Variants in ZNF418 observed in about 807,000 individuals in gnomAD.
ZNF418 encodes the protein zinc finger protein 418.
In ZNF418, 32 loss-of-function variants were observed where a neutral mutation model predicts 32.0. The observed-to-expected ratio is 1.00, with a 90% CI of 0.75 to 1.34. ZNF418 has a LOEUF of 1.34. Ranked by LOEUF, ZNF418 falls within the 40% of genes most tolerant of loss-of-function variation. The pLI is 0.00. For synonymous variants in ZNF418, 276 were observed against 270.7 expected, an observed-to-expected ratio of 1.02 and a Z score of -0.19; for missense variants, 804 against 812.5, an observed-to-expected ratio of 0.99 and a Z score of 0.13.
Position 57,927,984 on chromosome 19 carries a change from ACT to A in ZNF418, c.195_196del (p.Arg65SerfsTer20). The A allele has an allele frequency of 6.2e-7, 1 of 1,601,126 alleles. No homozygotes were observed. The highest frequency in any genetic ancestry group is 8.5e-7 in the Non-Finnish European group (1 of 1,171,974). On this transcript the variant is annotated frameshift_variant, in exon 4 of 6. Coordinates refer to ENST00000396147, the MANE Select transcript of ZNF418 (RefSeq NM_133460.3). LOFTEE classifies it high-confidence loss of function. Reference sequence around the variant, plus strand: ...TGCCCCAGGAGTGCTGACCTGAGACACTCTTTGTATAGAAATGCTCTTCTTAG... The same window carrying A: ...TGCCCCAGGAGTGCTGACCTGAGACACTTTGTATAGAAATGCTCTTCTTAG...
chr19:57,932,182 C>A lies in ZNF418; in HGVS notation c.7-1628G>T, dbSNP rs985076366. The stretch of plus-strand genomic sequence containing the variant: ...ATTCTGAGTAGAAATGGAATTGAAA[C>A]CCAGTACAAAGTATAATAACCAGAA... On this transcript the variant is annotated intron_variant, in intron 2 of 5. Transcript: ENST00000396147. Among the ~76,000 whole-genome samples, 8 of 152,292 alleles carry A rather than the reference C, an allele frequency of 5.3e-5. No homozygotes were observed. The South Asian group carries it at 1.2e-3, about 24-fold the overall frequency.
chr19:57,928,435 G>A (rs1199051030), intron 3 of ZNF418, among the ~76,000 whole-genome samples: 1 of 152,092 alleles, frequency 6.6e-6, no homozygotes, highest in African/African-American at 2.4e-5. Context: ...AATACGCCCA[G>A]CTACTTTTTG....
At chr19:57,929,291 T>C (rs192831872) in intron 3 of ZNF418, among the ~76,000 whole-genome samples, 4 of 152,008 alleles carry the variant, frequency 2.6e-5, no homozygotes, top group African/African-American at 9.7e-5. Flanking sequence ...TTGAAGAAAA[T>C]CTCGAACTCA....
In ZNF418 at chr19:57,927,174, T is replaced by A. The variant is rs778642577; in HGVS notation, c.1007A>T (p.His336Leu). The A allele has an allele frequency of 1.3e-5, 21 of 1,614,074 alleles. No individual in the cohort carries two copies. Among genetic ancestry groups the A allele is most frequent in the Non-Finnish European group, 9.3e-6 (11 of 1,180,044 alleles). The change falls in exon 4 of 6, where the codon CAC (histidine) becomes CTC (leucine). Residue 336 changes from histidine to leucine, a missense_variant. His to Leu is a moderately conservative substitution (Grantham distance 99). This residue lies in a region of ZNF418 where 475 missense variants were observed against 458.6 expected (regional missense o/e 1.04). Coordinates refer to ENST00000396147, the MANE Select transcript of ZNF418 (RefSeq NM_133460.3). ...ACACTCATAAGGTCTTTCTCCAGTG[T>A]GAACTCGTTGATGTTTAATGAGAGT... ...NGTLIKHQRV[H>L]TGERPYECEE...
intron 4 of ZNF418, among the ~76,000 whole-genome samples, chr19:57,925,334 A>T (rs975246306): frequency 6.6e-6 from 1 of 151,872 alleles, no homozygotes; most frequent in African/African-American, 2.4e-5. Flanking sequence ...GGTGGTGGGC[A>T]CCTGTAGTCC....
At position 57,928,152 on chromosome 19, in the gene ZNF418, T is replaced by C. The variant is rs1297069322; in HGVS notation, c.134-105A>G. The stretch of plus-strand genomic sequence containing the variant: ...CCAAGGAATTACTCCATGGAAATAT[T>C]TGCAGGAACAGAAAGTTGGCTTCAC... On this transcript the variant is annotated intron_variant, in intron 3 of 5. Transcript: ENST00000396147. 1.2e-5 allele frequency: 12 copies of C among 998,570 alleles called. No individual in the cohort carries two copies. The Admixed American group carries it at 1.4e-4, about 12-fold the overall frequency. 61.9% of individuals were successfully genotyped at this position (998,570 alleles called of 1,614,324 possible).
chr19:57,935,183 G>A lies in ZNF418; in HGVS notation c.-103C>T. 1.5e-6 allele frequency: 2 copies of A among 1,307,908 alleles called. No homozygotes were observed. Among genetic ancestry groups the A allele is most frequent in the Non-Finnish European group, 2.0e-6 (2 of 1,008,648 alleles). The allele number at this position is 1,307,908 out of a possible 1,614,324, so 81.0% of individuals were successfully genotyped here. On this transcript the variant is annotated 5_prime_UTR_variant, in exon 1 of 6. Transcript: ENST00000396147. ...TACCTGAGCCGGGAGCCTCAGCGCG[G>A]CCGCCGCCATCCCGAGTACGCGGGG...
rs372155473 is a variant in ZNF418 at position 57,926,462 on chromosome 19, T to C, written c.1719A>G (p.Lys573=). Residue 573 remains lysine, a synonymous_variant, in exon 4 of 6, where the codon AAA becomes AAG. Transcript: ENST00000396147. The stretch of plus-strand genomic sequence containing the variant: ...TGTGTTCAAGGAGACTGGAGAAGAA[T>C]TTCCCACATTCTCTGCACTCATAAG... ...ERPYECRECG[K]FFSSLLEHRR... is the part of the protein sequence containing the mutation. The C allele has an allele frequency of 5.0e-6, 8 of 1,613,388 alleles. No individual in the cohort carries two copies. The highest frequency in any genetic ancestry group is 1.6e-4 in the Middle Eastern group (1 of 6,076).
At position 57,926,163 on chromosome 19, in the gene ZNF418, C is replaced by T; in HGVS notation, c.2018G>A (p.Ser673Asn). ...LRHQRVHTER[S>N]PYK ...CCAAATTTCTTTTCACTTGTAAGGA[C>T]TTCTTTCTGTGTGAACTCTCTGATG... Residue 673 changes from serine (S) to asparagine (N), a missense_variant, in exon 4 of 6, where the codon AGT (serine) becomes AAT (asparagine). By Grantham distance (46) the Ser-to-Asn change is conservative. Around this residue, in one of 3 missense-constraint regions of ZNF418, gnomAD observed 475 missense variants for 458.6 expected, o/e 1.04. Transcript: ENST00000396147. The T allele has an allele frequency of 6.2e-7, 1 of 1,610,020 alleles. No individual in the cohort carries two copies. Among genetic ancestry groups the T allele is most frequent in the South Asian group, 1.1e-5 (1 of 90,800 alleles).
intron 4 of ZNF418, among the ~76,000 whole-genome samples, chr19:57,924,165 G>T (rs2122679627): frequency 6.6e-6 from 1 of 151,808 alleles, no homozygotes; most frequent in Non-Finnish European, 1.5e-5. Flanking sequence ...AGAAAAACAT[G>T]GATTTTCTAT....
In ZNF418 at chr19:57,925,870, C is replaced by G; in HGVS notation, c.*280G>C. 1 of 376,386 alleles carries G rather than the reference C, an allele frequency of 2.7e-6. No individual in the cohort carries two copies. Among genetic ancestry groups the G allele is most frequent in the Admixed American group, 4.2e-5 (1 of 24,062 alleles). 23.3% of individuals were successfully genotyped at this position (376,386 alleles called of 1,614,324 possible). The stretch of plus-strand genomic sequence containing the variant: ...ATGGCTCCGTCATAAGGCATCTCCT[C>G]CAGTGTTATGTTTTACAAGAAATAA... On this transcript the variant is annotated 3_prime_UTR_variant, in exon 4 of 6. Coordinates refer to ENST00000396147, the MANE Select transcript of ZNF418 (RefSeq NM_133460.3).
At chr19:57,928,083 C>A in intron 3 of ZNF418, 36 bp from the exon 4 acceptor site, 2 of 1,503,880 alleles carry the variant, frequency 1.3e-6, no homozygotes, top group Non-Finnish European at 1.8e-6. Context: ...TTCAAGTTAA[C>A]TCTGGTGGGA....
In ZNF418 at chr19:57,928,177, C is replaced by T. The variant is rs565084298; in HGVS notation, c.134-130G>A. 1.0e-5 allele frequency: 8 copies of T among 768,692 alleles called. No individual in the cohort carries two copies. In the South Asian group the frequency reaches 1.3e-4, roughly 12 times the overall value. 47.6% of individuals were successfully genotyped at this position (768,692 alleles called of 1,614,324 possible). ...TTGCAGGAACAGAAAGTTGGCTTCACGTGGAAGATGAGGCTATCATTACTG... is the reference window on the plus strand; with the variant it reads ...TTGCAGGAACAGAAAGTTGGCTTCATGTGGAAGATGAGGCTATCATTACTG... On this transcript the variant is annotated intron_variant, in intron 3 of 5. Transcript: ENST00000396147.
In ZNF418 at chr19:57,932,649, A is replaced by G. The variant is rs1025529272; in HGVS notation, c.6+1168T>C. On this transcript the variant is annotated intron_variant, in intron 2 of 5. Transcript: ENST00000396147. ...ACTCCCTTGTTATGGAGAATGGTCT[A>G]AGAAAAGTGGAAAACAAAAGAAAAA... The G allele has an allele frequency of 2.6e-5, 37 of 1,427,768 alleles. No homozygotes were observed. In the East Asian group the frequency reaches 9.6e-4, roughly 37 times the overall value. The allele number at this position is 1,427,768 out of a possible 1,614,324, so 88.4% of individuals were successfully genotyped here.
In ZNF418 at chr19:57,926,556, T is replaced by C. The variant is rs2072234380; in HGVS notation, c.1625A>G (p.Glu542Gly). ...GCTCTGATGAAATGACTTTCCACATTCTCCACATTCATAAGGCCTTTCTCC... is the reference window on the plus strand; with the variant it reads ...GCTCTGATGAAATGACTTTCCACATCCTCCACATTCATAAGGCCTTTCTCC... ...HTGERPYECG[E>G]CGKSFHQSSS... is the part of the protein sequence containing the mutation. The change falls in exon 4 of 6, where the codon GAA (glutamate) becomes GGA (glycine). Residue 542 changes from glutamate to glycine, a missense_variant. Around this residue, in one of 3 missense-constraint regions of ZNF418, gnomAD observed 475 missense variants for 458.6 expected, o/e 1.04. Coordinates refer to ENST00000396147, the MANE Select transcript of ZNF418 (RefSeq NM_133460.3). The C allele has an allele frequency of 6.2e-7, 1 of 1,614,006 alleles. No individual in the cohort carries two copies. The highest frequency in any genetic ancestry group is 8.5e-7 in the Non-Finnish European group (1 of 1,180,038).
rs753680499 is a variant in ZNF418 at position 57,922,520 on chromosome 19, C to T, written c.*735G>A. On this transcript the variant is annotated 3_prime_UTR_variant, in exon 6 of 6. Transcript: ENST00000396147. Reference sequence around the variant, plus strand: ...GAAATGCTTGAACCCAAAGAGAGAACATGCAGATCATAATCAGTTCATATT... The same window carrying T: ...GAAATGCTTGAACCCAAAGAGAGAATATGCAGATCATAATCAGTTCATATT... 1.8e-5 allele frequency: 7 copies of T among 398,286 alleles called. No individual in the cohort carries two copies. The highest frequency in any genetic ancestry group is 2.2e-5 in the Non-Finnish European group (5 of 226,010). 24.7% of individuals were successfully genotyped at this position (398,286 alleles called of 1,614,324 possible).
At chr19:57,924,059 T>C (rs1329448682) in intron 4 of ZNF418, among the ~76,000 whole-genome samples, 1 of 151,884 alleles carries the variant, frequency 6.6e-6, no homozygotes, top group African/African-American at 2.4e-5. Flanking sequence ...GGGAAAAGGA[T>C]TGCTTGAGGA....
intron 2 of ZNF418, chr19:57,932,718 A>C: frequency 2.7e-6 from 3 of 1,101,672 alleles, no homozygotes; most frequent in African/African-American, 1.6e-5. Context: ...CCCAGGCCCA[A>C]TGTCTGTCAC....
chr19:57,925,242 T>C (rs868579357), intron 4 of ZNF418, among the ~76,000 whole-genome samples: 22 of 152,018 alleles, frequency 1.4e-4, no homozygotes, highest in Admixed American at 6.6e-4. Flanking sequence ...GGGCAGATCA[T>C]GAGGTCAGGA....
Sources: gnomAD v4.1 joint callset for allele counts (sites outside exome capture counted in the v4.1 genomes callset) on GRCh38, gnomAD v4.1.1 for gene constraint, gnomAD v4.1.1 regional missense constraint, MANE v1.5 for transcripts, NCBI Gene and HGNC (gene_info 2026-07-23, HGNC 2026-07-21) for gene names.